MACROD2: variants seen among roughly 807,000 people sequenced by gnomAD.
MACROD2 encodes mono-ADP ribosylhydrolase 2.
Under a neutral mutation model 70.4 loss-of-function variants are expected in MACROD2, and 36 were observed. The ratio of observed to expected loss-of-function variants is 0.51; its 90% CI spans 0.39 to 0.68. The LOEUF is 0.68. Ranked by LOEUF, MACROD2 falls within the 30% of genes least tolerant of loss-of-function variation. MACROD2 has a pLI of 0.00. For missense variants in MACROD2, 496 were observed against 538.4 expected, an observed-to-expected ratio of 0.92 and a Z score of 0.78; for synonymous variants, 172 against 178.8, an observed-to-expected ratio of 0.96 and a Z score of 0.30.
intron 5 of MACROD2, among the ~76,000 whole-genome samples, chr20:15,044,638 G>C (rs1600992276): frequency 6.6e-6 from 1 of 152,104 alleles, no homozygotes; most frequent in African/African-American, 2.4e-5. Flanking sequence ...GTAAAGGTGA[G>C]GTGTTTGCTT....
At chr20:14,743,877 CA>C (rs1223659450) in intron 5 of MACROD2, among the ~76,000 whole-genome samples, 7 of 152,208 alleles carry the variant, frequency 4.6e-5, no homozygotes, top group Admixed American at 1.3e-4. Context: ...AATACAGACA[CA>C]GGGGTGGTCC....
intron 8 of MACROD2, among the ~76,000 whole-genome samples, chr20:15,750,937 T>C (rs1026016249): frequency 3.9e-5 from 6 of 151,954 alleles, no homozygotes; most frequent in African/African-American, 1.4e-4. Flanking sequence ...GTTTGTTTTT[T>C]GTTTGTTTGT....
At chr20:14,484,672 A>C (rs2084701683) in intron 3 of MACROD2, among the ~76,000 whole-genome samples, 1 of 152,154 alleles carries the variant, frequency 6.6e-6, no homozygotes, top group African/African-American at 2.4e-5. Flanking sequence ...GCTCCCACAA[A>C]TAAGTGAGAA....
intron 4 of MACROD2, among the ~76,000 whole-genome samples, chr20:14,569,304 GTTAA>G (rs1180190979): frequency 6.6e-6 from 1 of 151,816 alleles, no homozygotes; most frequent in Non-Finnish European, 1.5e-5. Flanking sequence ...CCTTCCATCA[GTTAA>G]TTGTATTTCT....
chr20:15,774,866 T>C (rs2051695344), intron 8 of MACROD2, among the ~76,000 whole-genome samples: 1 of 152,126 alleles, frequency 6.6e-6, no homozygotes, highest in Non-Finnish European at 1.5e-5. Context: ...GTGACAAATT[T>C]AGATTGAATT....
intron 15 of MACROD2, among the ~76,000 whole-genome samples, chr20:16,035,158 A>G (rs1203801442): frequency 1.6e-5 from 1 of 62,754 alleles, no homozygotes; most frequent in African/African-American, 7.2e-5. Context: ...TATAAAATAT[A>G]ATATAAAATA....
At chr20:15,484,738 C>T (rs1173033988) in intron 7 of MACROD2, among the ~76,000 whole-genome samples, 1 of 152,172 alleles carries the variant, frequency 6.6e-6, no homozygotes, top group Non-Finnish European at 1.5e-5. Context: ...GGTAAAAACT[C>T]ACAAAAGCAT....
intron 2 of MACROD2, among the ~76,000 whole-genome samples, chr20:14,015,095 C>T (rs1349412669): frequency 6.6e-6 from 1 of 151,836 alleles, no homozygotes; most frequent in Non-Finnish European, 1.5e-5. Context: ...TGTGCCCAGC[C>T]CCTTTTCTTG....
At chr20:15,639,724 A>G (rs2049425729) in intron 8 of MACROD2, among the ~76,000 whole-genome samples, 2 of 152,220 alleles carry the variant, frequency 1.3e-5, no homozygotes, top group African/African-American at 2.4e-5. Flanking sequence ...CCTGGCCTTC[A>G]GCCATGTTTG....
At chr20:15,936,227 A>G (rs553290416) in intron 11 of MACROD2, among the ~76,000 whole-genome samples, 7 of 145,772 alleles carry the variant, frequency 4.8e-5, no homozygotes, top group Non-Finnish European at 8.9e-5. Context: ...TATATAAACT[A>G]TAGAGTCCAT....
At chr20:15,813,791 A>C (rs538990167) in intron 8 of MACROD2, among the ~76,000 whole-genome samples, 11 of 152,236 alleles carry the variant, frequency 7.2e-5, no homozygotes, top group East Asian at 3.9e-4. Context: ...CAAAACAACA[A>C]CAACACAATA....
intron 6 of MACROD2, among the ~76,000 whole-genome samples, chr20:15,293,038 G>T (rs748341796): frequency 1.3e-5 from 2 of 152,166 alleles, no homozygotes; most frequent in Non-Finnish European, 2.9e-5. Flanking sequence ...AGAACTCACT[G>T]CTTCTTGAAG....
intron 8 of MACROD2, among the ~76,000 whole-genome samples, chr20:15,696,305 T>G (rs767484307): frequency 3.3e-5 from 5 of 152,212 alleles, no homozygotes; most frequent in Admixed American, 1.3e-4. Context: ...GATGATCATG[T>G]GATTTTTTGT....
chr20:15,610,353 C>T (rs1486601276), intron 8 of MACROD2, among the ~76,000 whole-genome samples: 1 of 152,104 alleles, frequency 6.6e-6, no homozygotes, highest in Non-Finnish European at 1.5e-5. Flanking sequence ...GGGTTGATTC[C>T]TTGCAGAGGC....
intron 5 of MACROD2, among the ~76,000 whole-genome samples, chr20:15,209,201 G>A (rs117712039): frequency 0.013 from 1,992 of 151,834 alleles, 19 homozygotes; most frequent in Non-Finnish European, 0.018. Context: ...TGGGACCCAG[G>A]CTGAAATCTG....
At chr20:15,038,721 G>A (rs2075332927) in intron 5 of MACROD2, among the ~76,000 whole-genome samples, 1 of 152,126 alleles carries the variant, frequency 6.6e-6, no homozygotes, top group African/African-American at 2.4e-5. Flanking sequence ...CCAACCTGGA[G>A]GCCAGGTGAT....
At chr20:15,694,826 C>A (rs1454374614) in intron 8 of MACROD2, among the ~76,000 whole-genome samples, 1 of 152,058 alleles carries the variant, frequency 6.6e-6, no homozygotes, top group Non-Finnish European at 1.5e-5. Context: ...TCCAATGTTA[C>A]CTTCTAGAAT....
At chr20:14,507,906 A>G (rs1374231134) in intron 4 of MACROD2, among the ~76,000 whole-genome samples, 1 of 152,156 alleles carries the variant, frequency 6.6e-6, no homozygotes, top group Non-Finnish European at 1.5e-5. Context: ...TTAACTCAGA[A>G]ATTTCTGAGG....
At chr20:14,979,491 C>T (rs533657843) in intron 5 of MACROD2, among the ~76,000 whole-genome samples, 1 of 152,058 alleles carries the variant, frequency 6.6e-6, no homozygotes, top group Non-Finnish European at 1.5e-5. Context: ...AATATTCTCT[C>T]AAGATGAACA....
Sources: gnomAD v4.1 joint callset for allele counts (sites outside exome capture counted in the v4.1 genomes callset) on GRCh38, gnomAD v4.1.1 for gene constraint, MANE v1.5 for transcripts, NCBI Gene and HGNC (gene_info 2026-07-23, HGNC 2026-07-21) for gene names.